NUDT13: variants seen among roughly 807,000 people sequenced by gnomAD.
NUDT13 encodes nudix hydrolase 13.
Under a neutral mutation model 41.7 loss-of-function variants are expected in NUDT13, and 40 were observed. The ratio of observed to expected loss-of-function variants is 0.96; its 90% CI spans 0.75 to 1.25. The LOEUF (loss-of-function observed/expected upper bound fraction) is 1.25. NUDT13 is among the 50% of genes most tolerant of loss of function. NUDT13 has a pLI of 0.00. For missense variants in NUDT13, 390 were observed against 416.1 expected, an observed-to-expected ratio of 0.94 and a Z score of 0.55; for synonymous variants, 145 against 155.5, an observed-to-expected ratio of 0.93 and a Z score of 0.50.
At chr10:73,113,021 AG>A (rs1842406990) in intron 1 of NUDT13, among the ~76,000 whole-genome samples, 1 of 152,064 alleles carries the variant, frequency 6.6e-6, no homozygotes, top group African/African-American at 2.4e-5. Flanking sequence ...CCAAGTAGGC[AG>A]GATTACAAGC....
intron 7 of NUDT13, chr10:73,126,072 T>C (rs16930346): frequency 0.1 from 24,516 of 236,694 alleles, 1,965 homozygotes; most frequent in East Asian, 0.31. Context: ...TAATTTTTTT[T>C]CCTCTTCACA....
In NUDT13 at chr10:73,120,052, T is replaced by G; in HGVS notation, c.118T>G (p.Cys40Gly). The change falls in exon 3 of 9, where the codon TGT becomes GGT. Residue 40 changes from cysteine (C) to glycine (G), a missense_variant. Coordinates refer to ENST00000357321, the MANE Select transcript of NUDT13 (RefSeq NM_015901.6). ...LFELKEDDDA[C>G]KKAQQTGAFY... Reference sequence around the variant, plus strand: ...TGAACTGAAGGAAGATGATGATGCATGTAAAAAAGCCCAGCAAACAGGAGC... The same window carrying G: ...TGAACTGAAGGAAGATGATGATGCAGGTAAAAAAGCCCAGCAAACAGGAGC... 6.2e-7 allele frequency: 1 copy of G among 1,614,184 alleles called. No homozygotes were observed. The highest frequency in any genetic ancestry group is 8.5e-7 in the Non-Finnish European group (1 of 1,180,016).
chr10:73,131,455 A>T lies in NUDT13; in HGVS notation c.*552A>T. ...GCTAGTTAAATAAAAGTCACAATTAAGTCATTATGACTCAGAGTACTTTAT... is the reference window on the plus strand; with the variant it reads ...GCTAGTTAAATAAAAGTCACAATTATGTCATTATGACTCAGAGTACTTTAT... On this transcript the variant is annotated 3_prime_UTR_variant, in exon 9 of 9. Coordinates refer to ENST00000357321, the MANE Select transcript of NUDT13 (RefSeq NM_015901.6). 6.3e-6 allele frequency: 1 copy of T among 157,678 alleles called. No individual in the cohort carries two copies. Among genetic ancestry groups the T allele is most frequent in the Non-Finnish European group, 1.4e-5 (1 of 70,834 alleles). 9.8% of individuals were successfully genotyped at this position (157,678 alleles called of 1,614,324 possible).
chr10:73,124,286 A>G lies in NUDT13; in HGVS notation c.431A>G (p.Gln144Arg). Reference sequence around the variant, plus strand: ...ATTGAGCTGAGAAAGGCACTCTTTCAACTCAATGCAAGGGATGCCTCCTTG... The same window carrying G: ...ATTGAGCTGAGAAAGGCACTCTTTCGACTCAATGCAAGGGATGCCTCCTTG... ...SFIELRKALFQLNARDASLLS... is the reference protein window; with the variant it reads ...SFIELRKALFRLNARDASLLS... The change falls in exon 5 of 9, where the codon CAA becomes CGA. Residue 144 changes from glutamine to arginine, a missense_variant. Physicochemically the swap from Gln to Arg is conservative, Grantham distance 43. Coordinates refer to ENST00000357321, the MANE Select transcript of NUDT13 (RefSeq NM_015901.6). The G allele has an allele frequency of 6.2e-7, 1 of 1,613,336 alleles. No homozygotes were observed. The highest frequency in any genetic ancestry group is 8.5e-7 in the Non-Finnish European group (1 of 1,179,680).
rs751858946 is a variant in NUDT13, at chr10:73,124,111, C to G, written c.359-103C>G. ...GCCCCCCACACCTAGCTGAATCTTA[C>G]GAGGCAAGTTTGGGAAACACTATTT... is the stretch of plus-strand genomic sequence containing the variant. On this transcript the variant is annotated intron_variant, in intron 4 of 8. Coordinates refer to ENST00000357321, the MANE Select transcript of NUDT13 (RefSeq NM_015901.6). 1.7e-4 allele frequency: 131 copies of G among 756,858 alleles called. 1 individual carries two copies. Among genetic ancestry groups the G allele is most frequent in the Non-Finnish European group, 2.8e-4 (123 of 446,826 alleles). 46.9% of individuals were successfully genotyped at this position (756,858 alleles called of 1,614,324 possible).
chr10:73,121,573 A>G (rs977248322), intron 3 of NUDT13, among the ~76,000 whole-genome samples: 2 of 152,118 alleles, frequency 1.3e-5, no homozygotes, highest in African/African-American at 4.8e-5. Context: ...TGAGTATTTT[A>G]CTCTCGTCCA....
chr10:73,119,728 C>T (rs182241202), intron 2 of NUDT13, among the ~76,000 whole-genome samples: 1 of 152,306 alleles, frequency 6.6e-6, no homozygotes, highest in Admixed American at 6.5e-5. Flanking sequence ...CTGAGTAAAG[C>T]ATACCTTCCC....
chr10:73,118,739 G>GC (rs1842572516), intron 2 of NUDT13, among the ~76,000 whole-genome samples: 1 of 152,114 alleles, frequency 6.6e-6, no homozygotes, highest in South Asian at 2.1e-4. Context: ...ACTTTGGGAG[G>GC]CCGAGGGCAG....
At chr10:73,117,117 T>C (rs1842533257) in intron 2 of NUDT13, among the ~76,000 whole-genome samples, 2 of 150,910 alleles carry the variant, frequency 1.3e-5, no homozygotes, top group Admixed American at 1.3e-4. Context: ...TCTCTTGACC[T>C]TGTGATCCAC....
At chr10:73,126,542 G>C in intron 7 of NUDT13, 131 bp from the exon 8 acceptor site, 2 of 968,156 alleles carry the variant, frequency 2.1e-6, no homozygotes, top group Non-Finnish European at 3.0e-6. Context: ...GAATGACTCA[G>C]AGTTTTAGGA....
chr10:73,126,391 G>A (rs1239837776), intron 7 of NUDT13, among the ~76,000 whole-genome samples: 2 of 152,034 alleles, frequency 1.3e-5, no homozygotes, highest in Non-Finnish European at 2.9e-5. Flanking sequence ...AGTCTATTGG[G>A]GTCAAATTTG....
Position 73,130,736 on chromosome 10 carries a change from G to C in NUDT13, c.892G>C (p.Ala298Pro), listed in dbSNP as rs1198819154. The change falls in exon 9 of 9, where the codon GCC becomes CCC. Residue 298 changes from alanine (A) to proline (P), a missense_variant. By Grantham distance (27) the Ala-to-Pro change is conservative. Transcript: ENST00000357321. ...GAACTTGAGAGAATTAGAGACAGCTGCCTGGTTCAGTCATGATGAGGTAGC... is the reference window on the plus strand; with the variant it reads ...GAACTTGAGAGAATTAGAGACAGCTCCCTGGTTCAGTCATGATGAGGTAGC... ...QVNLRELETA[A>P]WFSHDEVATA... 6.2e-7 allele frequency: 1 copy of C among 1,613,780 alleles called. No homozygotes were observed. The highest frequency in any genetic ancestry group is 8.5e-7 in the Non-Finnish European group (1 of 1,179,922).
At chr10:73,112,073 G>C (rs775560725) in intron 1 of NUDT13, among the ~76,000 whole-genome samples, 4 of 152,082 alleles carry the variant, frequency 2.6e-5, no homozygotes, top group African/African-American at 7.2e-5. Flanking sequence ...AAATAAGGCC[G>C]GGGGCAGTGG....
chr10:73,129,378 T>C (rs1842864155), intron 8 of NUDT13, among the ~76,000 whole-genome samples: 2 of 151,624 alleles, frequency 1.3e-5, no homozygotes, highest in South Asian at 2.1e-4. Context: ...TCCACCATGT[T>C]GGCCAGGCTG....
chr10:73,120,886 C>T (rs1472215444), intron 3 of NUDT13, among the ~76,000 whole-genome samples: 1 of 149,518 alleles, frequency 6.7e-6, no homozygotes, highest in Non-Finnish European at 1.5e-5. Flanking sequence ...TGCAGTGAGC[C>T]GAGATCACGG....
At chr10:73,124,472 G>A in intron 5 of NUDT13, 152 bp downstream of exon 5, 1 of 582,780 alleles carries the variant, frequency 1.7e-6, no homozygotes, top group Non-Finnish European at 3.0e-6. Flanking sequence ...TGTGCTGTAG[G>A]GAGATTGCTT....
chr10:73,118,594 C>T (rs1277668461), intron 2 of NUDT13, among the ~76,000 whole-genome samples: 1 of 152,128 alleles, frequency 6.6e-6, no homozygotes, highest in Non-Finnish European at 1.5e-5. Flanking sequence ...ACTGGAAAAG[C>T]CTGGTACTTA....
intron 4 of NUDT13, among the ~76,000 whole-genome samples, chr10:73,123,012 T>C (rs1034223404): frequency 1.3e-5 from 2 of 151,734 alleles, no homozygotes; most frequent in Non-Finnish European, 2.9e-5. Context: ...GCGATTCTCC[T>C]GCCTCAGCCT....
Position 73,130,998 on chromosome 10 carries a change from A to G in NUDT13, c.*95A>G. 9.2e-7 allele frequency: 1 copy of G among 1,086,950 alleles called. No individual in the cohort carries two copies. The highest frequency in any genetic ancestry group is 1.3e-5 in the South Asian group (1 of 75,008). The allele number at this position is 1,086,950 out of a possible 1,614,324, so 67.3% of individuals were successfully genotyped here. A position where few individuals can be genotyped will look rare whatever the true frequency, so the allele number is the denominator to read the frequency against. ...AGAAGTGACAAAAGATAAGCTGCAG[A>G]AGGACCTCAGAAGGGCAGAGCAAAG... is the stretch of plus-strand genomic sequence containing the variant. On this transcript the variant is annotated 3_prime_UTR_variant, in exon 9 of 9. Transcript: ENST00000357321.
Sources: gnomAD v4.1 joint callset for allele counts (sites outside exome capture counted in the v4.1 genomes callset) on GRCh38, gnomAD v4.1.1 for gene constraint, MANE v1.5 for transcripts, NCBI Gene and HGNC (gene_info 2026-07-23, HGNC 2026-07-21) for gene names.